CADM1: variants seen among roughly 807,000 people sequenced by gnomAD.
CADM1 encodes cell adhesion molecule 1, also known as TSLC-1.
CADM1 carries 15 observed loss-of-function variants against 53.1 expected under a neutral mutation model. The ratio of observed to expected loss-of-function variants is 0.28; its 90% CI spans 0.19 to 0.44. The LOEUF (loss-of-function observed/expected upper bound fraction) is 0.44, where lower values mean the gene tolerates loss of function less well. Among genes scored for constraint, CADM1 ranks in the 20% least tolerant of loss-of-function variants. The pLI is 1.00. For missense variants in CADM1, 434 were observed against 611.3 expected, an observed-to-expected ratio of 0.71 and a Z score of 3.06; for synonymous variants, 281 against 243.0, an observed-to-expected ratio of 1.16 and a Z score of -1.45.
At chr11:115,394,825 T>G (rs1299284756) in intron 1 of CADM1, among the ~76,000 whole-genome samples, 1 of 152,200 alleles carries the variant, frequency 6.6e-6, no homozygotes, top group African/African-American at 2.4e-5. Flanking sequence ...CCTAAAATTT[T>G]GAAGCCAATT....
rs1289244649 is a variant in CADM1, at chr11:115,446,871, C to T, written c.124+57400G>A. ...CAAATAAAAAACCAGGATCCATCAT[C>T]GTCTGCCCCTACCCTCCAGGGAACC... On this transcript the variant is annotated intron_variant, in intron 1 of 11. Transcript: ENST00000331581. Among the ~76,000 whole-genome samples, 4 of 152,146 alleles carry T rather than the reference C, an allele frequency of 2.6e-5. No individual in the cohort carries two copies. The East Asian group carries it at 7.7e-4, about 29-fold the overall frequency.
At chr11:115,243,990 A>G (rs1806257614) in intron 1 of CADM1, among the ~76,000 whole-genome samples, 1 of 152,236 alleles carries the variant, frequency 6.6e-6, no homozygotes, top group South Asian at 2.1e-4. Context: ...TAATCGGTGT[A>G]TATGGGTGAG....
At chr11:115,279,257 G>T (rs765940504) in intron 1 of CADM1, among the ~76,000 whole-genome samples, 2 of 152,122 alleles carry the variant, frequency 1.3e-5, no homozygotes, top group Non-Finnish European at 1.5e-5. Context: ...ACGTTTCAAG[G>T]TTGCAAAAAT....
chr11:115,468,262 A>T (rs551265102), intron 1 of CADM1, among the ~76,000 whole-genome samples: 2 of 152,324 alleles, frequency 1.3e-5, no homozygotes, highest in Admixed American at 1.3e-4. Flanking sequence ...AAGAAGAAAA[A>T]CTGTGAGCAT....
At chr11:115,443,405 G>A (rs537305103) in intron 1 of CADM1, among the ~76,000 whole-genome samples, 10 of 152,310 alleles carry the variant, frequency 6.6e-5, no homozygotes, top group Admixed American at 4.6e-4. Flanking sequence ...CCAAAGCTGT[G>A]TAGCCTGGGG....
intron 1 of CADM1, among the ~76,000 whole-genome samples, chr11:115,241,968 CTTT>C (rs753938722): frequency 3.2e-4 from 45 of 138,472 alleles, no homozygotes; most frequent in Admixed American, 1.6e-3. Context: ...TTGAAGGATC[CTTT>C]TTTTTTTTTT....
chr11:115,351,889 T>C (rs10891835), intron 1 of CADM1, among the ~76,000 whole-genome samples: 50,208 of 152,080 alleles, frequency 0.33, 9,225 homozygotes, highest in Non-Finnish European at 0.43. Flanking sequence ...AGAAAGACAA[T>C]GGTTTTCCTC....
At chr11:115,403,584 T>G (rs2135222062) in intron 1 of CADM1, among the ~76,000 whole-genome samples, 1 of 151,994 alleles carries the variant, frequency 6.6e-6, no homozygotes, top group African/African-American at 2.4e-5. Context: ...AATAGTTAAT[T>G]TTTTTGTTTT....
intron 1 of CADM1, among the ~76,000 whole-genome samples, chr11:115,340,583 ATT>A (rs1591724927): frequency 7.2e-6 from 1 of 138,720 alleles, no homozygotes; most frequent in East Asian, 2.1e-4. Context: ...TTAAAATCAA[ATT>A]TCCCCTGGTC....
At chr11:115,345,944 T>C (rs867791713) in intron 1 of CADM1, among the ~76,000 whole-genome samples, 1 of 152,358 alleles carries the variant, frequency 6.6e-6, no homozygotes, top group Middle Eastern at 3.4e-3. Flanking sequence ...GATAATAAAG[T>C]GAAGTCTTCA....
chr11:115,420,754 C>T (rs752655309), intron 1 of CADM1, among the ~76,000 whole-genome samples: 7 of 152,120 alleles, frequency 4.6e-5, no homozygotes, highest in Non-Finnish European at 1.0e-4. Flanking sequence ...TGACCCATGC[C>T]GTGATCTTCT....
At chr11:115,394,452 G>A (rs1010954707) in intron 1 of CADM1, among the ~76,000 whole-genome samples, 5 of 151,912 alleles carry the variant, frequency 3.3e-5, no homozygotes, top group African/African-American at 1.2e-4. Flanking sequence ...CACGAGACAT[G>A]TGAAAAGCAA....
intron 1 of CADM1, among the ~76,000 whole-genome samples, chr11:115,429,597 A>G (rs563616747): frequency 6.6e-6 from 1 of 152,196 alleles, no homozygotes; most frequent in South Asian, 2.1e-4. Flanking sequence ...AGAAAAAAAA[A>G]AAAAAATAGA....
intron 9 of CADM1, among the ~76,000 whole-genome samples, chr11:115,196,623 A>AAACG (rs1565291008): frequency 7.1e-6 from 1 of 140,104 alleles, no homozygotes; most frequent in Admixed American, 7.5e-5. Context: ...AAAAAAAATC[A>AAACG]CAAAACAATC....
chr11:115,401,609 GCAA>G (rs766763806), intron 1 of CADM1, among the ~76,000 whole-genome samples: 6 of 151,776 alleles, frequency 4.0e-5, no homozygotes, highest in Admixed American at 6.6e-5. Context: ...TTCCATCTCA[GCAA>G]CAACAACAAC....
chr11:115,328,618 A>T (rs747127645), intron 1 of CADM1, among the ~76,000 whole-genome samples: 19 of 144,038 alleles, frequency 1.3e-4, no homozygotes, highest in Non-Finnish European at 2.4e-4. Flanking sequence ...TTATGAGTCA[A>T]ATTAATTATA....
At chr11:115,252,906 C>T (rs1380553331) in intron 1 of CADM1, among the ~76,000 whole-genome samples, 2 of 152,178 alleles carry the variant, frequency 1.3e-5, no homozygotes, top group African/African-American at 2.4e-5. Context: ...TTCCAATTTT[C>T]TCTGTTCTAT....
intron 1 of CADM1, among the ~76,000 whole-genome samples, chr11:115,355,502 A>T (rs974758744): frequency 6.6e-6 from 1 of 152,120 alleles, no homozygotes; most frequent in Admixed American, 6.6e-5. Flanking sequence ...ATCGGAAAAA[A>T]TAACTATTGG....
At chr11:115,405,104 C>T (rs1001337603) in intron 1 of CADM1, among the ~76,000 whole-genome samples, 1 of 152,172 alleles carries the variant, frequency 6.6e-6, no homozygotes, top group African/African-American at 2.4e-5. Flanking sequence ...GGACTACAGG[C>T]ATGCAATCCT....
Sources: allele counts gnomAD v4.1 joint callset (sites outside exome capture counted in the v4.1 genomes callset), GRCh38; gene constraint gnomAD v4.1.1; transcripts MANE v1.5; gene names NCBI Gene and HGNC (gene_info 2026-07-23, HGNC 2026-07-21).